Variants in ARHGEF10L observed in about 807,000 individuals in gnomAD.
The protein encoded by ARHGEF10L is rho guanine nucleotide exchange factor 10-like protein.
ARHGEF10L carries 69 observed loss-of-function variants against 141.2 expected under a neutral mutation model. The observed-to-expected ratio is 0.49, with a 90% CI of 0.40 to 0.60. The LOEUF (loss-of-function observed/expected upper bound fraction) is 0.60. Ranked by LOEUF, ARHGEF10L falls within the 20% of genes least tolerant of loss-of-function variation. The pLI is 0.00. For missense variants in ARHGEF10L, 1,482 were observed against 1,734.3 expected, an observed-to-expected ratio of 0.85 and a Z score of 2.58; for synonymous variants, 711 against 718.5, an observed-to-expected ratio of 0.99 and a Z score of 0.17.
chr1:17,663,042 T>A (rs2062728058), intron 25 of ARHGEF10L, among the ~76,000 whole-genome samples: 1 of 152,188 alleles, frequency 6.6e-6, no homozygotes, highest in Non-Finnish European at 1.5e-5. Flanking sequence ...CTTTCCCACC[T>A]GGCACCCTGA....
chr1:17,539,383 C>G (rs1003900483), upstream of ARHGEF10L, among the ~76,000 whole-genome samples: 1 of 152,210 alleles, frequency 6.6e-6, no homozygotes, highest in African/African-American at 2.4e-5. This position sits in a 1 kb window ranked among gnomAD's most constrained non-coding sequence, Gnocchi z 6.0. Context: ...CCTGCGGGGT[C>G]TCCCCGCGGA....
chr1:17,546,860 G>T (rs2076935473), intron 1 of ARHGEF10L, among the ~76,000 whole-genome samples: 1 of 152,168 alleles, frequency 6.6e-6, no homozygotes, highest in Admixed American at 6.5e-5. Context: ...TTGCAGAGTG[G>T]CAGGCACCTT....
intron 15 of ARHGEF10L, among the ~76,000 whole-genome samples, chr1:17,631,840 A>G (rs1438486457): frequency 1.3e-5 from 2 of 152,330 alleles, no homozygotes; most frequent in African/African-American, 2.4e-5. Context: ...TCACATGTTC[A>G]TTACCTTGTG....
intron 7 of ARHGEF10L, among the ~76,000 whole-genome samples, chr1:17,610,925 C>T (rs1161796423): frequency 6.6e-6 from 1 of 151,814 alleles, no homozygotes; most frequent in East Asian, 1.9e-4. Context: ...ACAAGTGGTC[C>T]TGCTGGTGCC....
At chr1:17,640,411 A>T in intron 21 of ARHGEF10L, 109 bp downstream of exon 21, 1 of 928,224 alleles carries the variant, frequency 1.1e-6, no homozygotes. Context: ...GGGGGCAGGG[A>T]GGCTTCTGAG....
In ARHGEF10L at chr1:17,587,620, C is replaced by T. The variant is rs779167946; in HGVS notation, c.198C>T (p.Ile66=). Residue 66 remains isoleucine (I), a synonymous_variant, in exon 3 of 29, where the codon ATC becomes ATT. Coordinates refer to ENST00000361221, the MANE Select transcript of ARHGEF10L (RefSeq NM_018125.4). ...AGAGGGACACAGACCCCCCACTGAT[C>T]CACTTGGACTCCATCCCTGTCACTG... The part of the protein sequence containing the change: ...APERDTDPPL[I]HLDSIPVTDP... The T allele has an allele frequency of 1.2e-6, 2 of 1,613,322 alleles. No homozygotes were observed. Among genetic ancestry groups the T allele is most frequent in the East Asian group, 2.2e-5 (1 of 44,858 alleles).
In ARHGEF10L at chr1:17,632,378, T is replaced by C; in HGVS notation, c.1642T>C (p.Tyr548His). 1 of 1,614,218 alleles carries C rather than the reference T, an allele frequency of 6.2e-7. No individual in the cohort carries two copies. Among genetic ancestry groups the C allele is most frequent in the South Asian group, 1.1e-5 (1 of 91,088 alleles). The change falls in exon 16 of 29, where the codon TAC becomes CAC. Residue 548 changes from tyrosine (Y) to histidine (H), a missense_variant. Physicochemically the swap from Tyr to His is moderately conservative, Grantham distance 83. Coordinates refer to ENST00000361221, the MANE Select transcript of ARHGEF10L (RefSeq NM_018125.4). ...LLCETLTETV[Y>H]GDRGQLIKSK... ...GTGTGAGACGTTGACGGAGACCGTG[T>C]ACGGTGACCGCGGGCAGCTAATTAA... is the stretch of plus-strand genomic sequence containing the variant.
At chr1:17,682,617 G>A (rs2064211844) in intron 26 of ARHGEF10L, among the ~76,000 whole-genome samples, 1 of 152,198 alleles carries the variant, frequency 6.6e-6, no homozygotes, top group African/African-American at 2.4e-5. Flanking sequence ...TTTGCAGACG[G>A]CTGCTCTAGT....
chr1:17,582,437 C>T (rs2078654576), intron 2 of ARHGEF10L, among the ~76,000 whole-genome samples: 1 of 152,246 alleles, frequency 6.6e-6, no homozygotes, highest in Non-Finnish European at 1.5e-5. Context: ...TTGCCATTTT[C>T]TCATTCTCTG....
upstream of ARHGEF10L, among the ~76,000 whole-genome samples, chr1:17,539,582 C>T (rs1378463824): frequency 6.6e-6 from 1 of 151,748 alleles, no homozygotes; most frequent in Non-Finnish European, 1.5e-5. This position sits in a 1 kb window ranked among gnomAD's most constrained non-coding sequence, Gnocchi z 6.0. Flanking sequence ...GGCCACGTCT[C>T]CCTCGCGGCG....
At position 17,575,277 on chromosome 1, in the gene ARHGEF10L, C is replaced by T. The variant is rs2078175452; in HGVS notation, c.-43-5276C>T. Among the ~76,000 whole-genome samples the T allele has an allele frequency of 1.3e-5, 2 of 152,242 alleles. 1 individual carries two copies. Among genetic ancestry groups the T allele is most frequent in the Non-Finnish European group, 2.9e-5 (2 of 68,050 alleles). ...CAGCCTGTTGGCCCCCTATCAGCTG[C>T]ACCTCTGAGCCACTGAATCAGAATC... is the stretch of plus-strand genomic sequence containing the variant. On this transcript the variant is annotated intron_variant, in intron 1 of 28. Transcript: ENST00000361221.
At chr1:17,677,089 C>T (rs1292002683) in intron 26 of ARHGEF10L, among the ~76,000 whole-genome samples, 1 of 152,042 alleles carries the variant, frequency 6.6e-6, no homozygotes, top group African/African-American at 2.4e-5. Flanking sequence ...CTAGCAGGAC[C>T]AAGGAAAGGA....
chr1:17,675,890 G>A (rs1485023594), intron 26 of ARHGEF10L, among the ~76,000 whole-genome samples: 1 of 149,258 alleles, frequency 6.7e-6, no homozygotes, highest in Non-Finnish European at 1.5e-5. Flanking sequence ...GTAGGTGCAG[G>A]CATGGGTAAA....
chr1:17,691,295 C>A (rs548629700), intron 27 of ARHGEF10L: 1 of 297,380 alleles, frequency 3.4e-6, no homozygotes, highest in Admixed American at 5.1e-5. Context: ...TTGCTCTTTT[C>A]CTTGAGGTGG....
At chr1:17,586,424 C>A (rs577423009) in intron 2 of ARHGEF10L, among the ~76,000 whole-genome samples, 1 of 152,284 alleles carries the variant, frequency 6.6e-6, no homozygotes, top group Non-Finnish European at 1.5e-5. Flanking sequence ...AAAACAGAAC[C>A]AAACTGCCCG....
rs543149111 is a variant in ARHGEF10L at position 17,639,672 on chromosome 1, G to C, written c.2172-530G>C. 6 of 430,388 alleles carry C rather than the reference G, an allele frequency of 1.4e-5. No individual in the cohort carries two copies. The highest frequency in any genetic ancestry group is 7.8e-5 in the Admixed American group (3 of 38,444). The allele number at this position is 430,388 out of a possible 1,614,324, so 26.7% of individuals were successfully genotyped here. A position where few individuals can be genotyped will look rare whatever the true frequency, so the allele number is the denominator to read the frequency against. On this transcript the variant is annotated intron_variant, in intron 20 of 28. Coordinates refer to ENST00000361221, the MANE Select transcript of ARHGEF10L (RefSeq NM_018125.4). The surrounding 1 kb of genome is among the most constrained non-coding windows in gnomAD (Gnocchi z 4.3). Reference sequence around the variant, plus strand: ...CACTGCTCTGAGGTGAGAGGACAGCGTGGTGACAACAGCAACCTCTGGTTG... The same window carrying C: ...CACTGCTCTGAGGTGAGAGGACAGCCTGGTGACAACAGCAACCTCTGGTTG...
chr1:17,548,394 CAAAAG>C (rs929018040), intron 1 of ARHGEF10L, among the ~76,000 whole-genome samples: 10 of 151,802 alleles, frequency 6.6e-5, no homozygotes, highest in African/African-American at 2.4e-4. Context: ...AGTGAGGAGA[CAAAAG>C]AAAAGTATTG....
rs1300195627 is a variant in ARHGEF10L, at chr1:17,625,912, T to G, written c.1318-44T>G. The G allele has an allele frequency of 6.3e-7, 1 of 1,577,936 alleles. No individual in the cohort carries two copies. The highest frequency in any genetic ancestry group is 1.1e-5 in the South Asian group (1 of 89,844). ...GTCTGGACTCTGGGGCACTGGGCCCTCTCTGCAGGGGGTCAGCGAATGACG... is the reference window on the plus strand; with the variant it reads ...GTCTGGACTCTGGGGCACTGGGCCCGCTCTGCAGGGGGTCAGCGAATGACG... On this transcript the variant is annotated intron_variant, in intron 13 of 28. Coordinates refer to ENST00000361221, the MANE Select transcript of ARHGEF10L (RefSeq NM_018125.4). This position sits in a 1 kb window ranked among gnomAD's most constrained non-coding sequence, Gnocchi z 4.5.
chr1:17,647,515 GT>G (rs2061673354), intron 21 of ARHGEF10L, among the ~76,000 whole-genome samples: 1 of 152,166 alleles, frequency 6.6e-6, no homozygotes, highest in Non-Finnish European at 1.5e-5. Flanking sequence ...AGGACAGACG[GT>G]GGTTTATTCC....
Sources: allele counts gnomAD v4.1 joint callset (sites outside exome capture counted in the v4.1 genomes callset), GRCh38; gene constraint gnomAD v4.1.1; non-coding constraint Gnocchi (gnomAD v3.1); transcripts MANE v1.5; gene names NCBI Gene and HGNC (gene_info 2026-07-23, HGNC 2026-07-21).